MGAT5B: variants seen among roughly 807,000 people sequenced by gnomAD.
The protein encoded by MGAT5B is alpha-1,6-mannosylglycoprotein 6-beta-N-acetylglucosaminyltransferase B.
In MGAT5B, 54 loss-of-function variants were observed where a neutral mutation model predicts 95.1. The observed-to-expected ratio is 0.57, with a 90% confidence interval of 0.46 to 0.71. MGAT5B has a LOEUF of 0.71. Among genes scored for constraint, MGAT5B ranks in the 30% least tolerant of loss-of-function variants. The probability of loss-of-function intolerance (pLI) is 0.00; values close to 1 mark genes in which losing one functional copy is unlikely to be tolerated. For synonymous variants in MGAT5B, 464 were observed against 451.0 expected, an observed-to-expected ratio of 1.03 and a Z score of -0.36; for missense variants, 935 against 1,088.6, an observed-to-expected ratio of 0.86 and a Z score of 1.99.
At chr17:76,911,497 G>A (rs1344545613) in intron 8 of MGAT5B, among the ~76,000 whole-genome samples, 1 of 152,244 alleles carries the variant, frequency 6.6e-6, no homozygotes, top group Non-Finnish European at 1.5e-5. Context: ...TGGCCCAGAT[G>A]GTGGGGCGTC....
intron 3 of MGAT5B, among the ~76,000 whole-genome samples, chr17:76,895,766 C>G (rs1319511395): frequency 5.9e-5 from 9 of 151,924 alleles, no homozygotes; most frequent in Non-Finnish European, 8.8e-5. Context: ...AAGTCACATG[C>G]TTAGCTATTG....
In MGAT5B at chr17:76,914,356, A is replaced by T. The variant is rs1393395738; in HGVS notation, c.1025+8169A>T. ...GAGCCGGGAGGAGAAAGAGCGCAGG[A>T]GCAGGGGTTACAGAATCGCAGGCAG... On this transcript the variant is annotated intron_variant, in intron 8 of 17. Coordinates refer to ENST00000569840, the MANE Select transcript of MGAT5B (RefSeq NM_001199172.2). This position sits in a 1 kb window ranked among gnomAD's most constrained non-coding sequence, Gnocchi z 5.1. 6.6e-6 allele frequency among the ~76,000 whole-genome samples: 1 copy of T among 152,200 alleles called. No individual in the cohort carries two copies. Among genetic ancestry groups the T allele is most frequent in the Non-Finnish European group, 1.5e-5 (1 of 68,038 alleles).
chr17:76,945,018 C>T (rs1175332525), intron 15 of MGAT5B, among the ~76,000 whole-genome samples: 1 of 152,230 alleles, frequency 6.6e-6, no homozygotes, highest in Non-Finnish European at 1.5e-5. Flanking sequence ...AAGCCTAAAA[C>T]AGACCTTTCT....
At chr17:76,897,207 G>A (rs1701213615) in intron 3 of MGAT5B, among the ~76,000 whole-genome samples, 1 of 152,124 alleles carries the variant, frequency 6.6e-6, no homozygotes, top group South Asian at 2.1e-4. Context: ...GTGAACCTCT[G>A]GGCCTGGTCC....
At chr17:76,876,459 G>GAA (rs34848815) in intron 2 of MGAT5B, among the ~76,000 whole-genome samples, 83 of 131,054 alleles carry the variant, frequency 6.3e-4, no homozygotes, top group Middle Eastern at 4.0e-3. Flanking sequence ...CTGCTATTTA[G>GAA]AAAAAAAAAA....
At chr17:76,943,100 C>T (rs1244042563) in intron 15 of MGAT5B, among the ~76,000 whole-genome samples, 7 of 151,918 alleles carry the variant, frequency 4.6e-5, no homozygotes, top group Admixed American at 2.0e-4. Flanking sequence ...CTGCGATAGT[C>T]GCGGGTATTT....
rs576406562 is a variant in MGAT5B, at chr17:76,906,492, G to A, written c.1025+305G>A. Among the ~76,000 whole-genome samples, 8 of 152,358 alleles carry A rather than the reference G, an allele frequency of 5.3e-5. No individual in the cohort carries two copies. The highest frequency in any genetic ancestry group is 1.9e-4 in the East Asian group (1 of 5,190). On this transcript the variant is annotated intron_variant, in intron 8 of 17. Transcript: ENST00000569840. This position sits in a 1 kb window ranked among gnomAD's most constrained non-coding sequence, Gnocchi z 4.6. ...GTGTTGGCTTGTGGAATTGAGCCAC[G>A]TCTGCACGTGGGGTCCCCTCTGCCT...
At chr17:76,876,541 C>T (rs529158187) in intron 2 of MGAT5B, among the ~76,000 whole-genome samples, 6 of 152,138 alleles carry the variant, frequency 3.9e-5, no homozygotes, top group South Asian at 2.1e-4. Flanking sequence ...CCTGTCAAAC[C>T]GGTGACAGAA....
At chr17:76,871,720 G>T (rs962060866) in intron 1 of MGAT5B, among the ~76,000 whole-genome samples, 1 of 152,286 alleles carries the variant, frequency 6.6e-6, no homozygotes, top group East Asian at 1.9e-4. Context: ...CATGACGTGG[G>T]GCTCTCTCCA....
intron 12 of MGAT5B, among the ~76,000 whole-genome samples, chr17:76,933,807 A>C (rs1969570844): frequency 6.6e-6 from 1 of 152,174 alleles, no homozygotes; most frequent in South Asian, 2.1e-4. Flanking sequence ...TGCAAATTTC[A>C]GAGGTCGGGA....
At chr17:76,904,761 G>A (rs1020157823) in intron 6 of MGAT5B, among the ~76,000 whole-genome samples, 2 of 152,234 alleles carry the variant, frequency 1.3e-5, no homozygotes, top group African/African-American at 4.8e-5. Context: ...AGCCATCCTT[G>A]TATGATCGTA....
chr17:76,898,038 G>A (rs1042052203), intron 3 of MGAT5B, among the ~76,000 whole-genome samples: 15 of 146,118 alleles, frequency 1.0e-4, no homozygotes, highest in African/African-American at 2.6e-4. Flanking sequence ...CCTGGGCAAC[G>A]AGAGTGAAAC....
intron 15 of MGAT5B, chr17:76,944,276 T>C (rs535054003): frequency 1.3e-5 from 2 of 152,278 alleles, no homozygotes; most frequent in South Asian, 4.1e-4. Flanking sequence ...AGTGTTTGCT[T>C]CACACAGGGA....
chr17:76,878,545 G>A (rs1396991908), intron 2 of MGAT5B, among the ~76,000 whole-genome samples: 1 of 152,118 alleles, frequency 6.6e-6, no homozygotes, highest in Non-Finnish European at 1.5e-5. Flanking sequence ...TGCAATCGTG[G>A]CTCACTGCAG....
At position 76,926,688 on chromosome 17, in the gene MGAT5B, G is replaced by T. The variant is rs1182006607; in HGVS notation, c.1249G>T (p.Gly417Cys). The change falls in exon 10 of 18, where the codon GGC (glycine) becomes TGC (cysteine). Residue 417 changes from glycine to cysteine, a missense_variant. Physicochemically the swap from Gly to Cys is radical, Grantham distance 159. Transcript: ENST00000569840. The part of the protein sequence containing the change: ...ATLHGYRTNW[G>C]YWNLNPKQFM... ...GCTGCACGGCTACCGGACCAACTGG[G>T]GCTACTGGAACCTCAACCCCAAGCA... 3.7e-6 allele frequency: 6 copies of T among 1,612,646 alleles called. No homozygotes were observed. Among genetic ancestry groups the T allele is most frequent in the Non-Finnish European group, 5.1e-6 (6 of 1,179,952 alleles).
In MGAT5B at chr17:76,918,444, C is replaced by T. The variant is rs779149634; in HGVS notation, c.1026-6522C>T. Reference sequence around the variant, plus strand: ...GAGGGCAGGGCCATCCCAGTGACTGCGTAAAGCAACTCTGGGCTGCTTCTG... The same window carrying T: ...GAGGGCAGGGCCATCCCAGTGACTGTGTAAAGCAACTCTGGGCTGCTTCTG... On this transcript the variant is annotated intron_variant, in intron 8 of 17. Transcript: ENST00000569840. The surrounding 1 kb of genome is among the most constrained non-coding windows in gnomAD (Gnocchi z 5.1). Among the ~76,000 whole-genome samples, 4 of 152,226 alleles carry T rather than the reference C, an allele frequency of 2.6e-5. No individual in the cohort carries two copies. The highest frequency in any genetic ancestry group is 4.4e-5 in the Non-Finnish European group (3 of 68,046).
Position 76,949,883 on chromosome 17 carries a change from CTAGG to C in MGAT5B, c.*1049_*1052del, listed in dbSNP as rs1274502740. The stretch of plus-strand genomic sequence containing the variant: ...TTTCCAGTTGCCCTGTCCACTTACC[CTAGG>C]TAGCCCCCCACCCCATCAGTGCCGA... On this transcript the variant is annotated 3_prime_UTR_variant, in exon 18 of 18. Transcript: ENST00000569840. 1 of 152,544 alleles carries C rather than the reference CTAGG, an allele frequency of 6.6e-6. No homozygotes were observed. The highest frequency in any genetic ancestry group is 1.5e-5 in the Non-Finnish European group (1 of 68,288). 9.4% of individuals were successfully genotyped at this position (152,544 alleles called of 1,614,324 possible).
chr17:76,939,029 G>GGGGGGTGTGTGT (rs1237086611), intron 13 of MGAT5B, among the ~76,000 whole-genome samples: 1 of 128,190 alleles, frequency 7.8e-6, no homozygotes. Context: ...GCATCTTGGG[G>GGGGGGTGTGTGT]GTGTGTGTGT....
chr17:76,931,265 G>A (rs996057387), intron 10 of MGAT5B, among the ~76,000 whole-genome samples: 2 of 152,162 alleles, frequency 1.3e-5, no homozygotes, highest in Non-Finnish European at 2.9e-5. Context: ...CCCGGTTAAT[G>A]TTTGTATTTT....
Sources: allele counts gnomAD v4.1 joint callset (sites outside exome capture counted in the v4.1 genomes callset), GRCh38; gene constraint gnomAD v4.1.1; non-coding constraint Gnocchi (gnomAD v3.1); transcripts MANE v1.5; gene names NCBI Gene and HGNC (gene_info 2026-07-23, HGNC 2026-07-21).